Variants in CAMK2B observed in about 807,000 individuals in gnomAD.
CAMK2B encodes calcium/calmodulin-dependent protein kinase type II subunit beta.
A neutral mutation model predicts 93.7 loss-of-function variants in CAMK2B; 27 were observed. That is an observed-to-expected ratio of 0.29 (90% CI 0.21 to 0.40). The LOEUF (loss-of-function observed/expected upper bound fraction) is 0.40. Ranked by LOEUF, CAMK2B falls within the 10% of genes least tolerant of loss-of-function variation. CAMK2B has a pLI of 1.00. For missense variants in CAMK2B, 568 were observed against 895.8 expected (o/e 0.63, Z 4.67); for synonymous variants, 374 against 358.8 (o/e 1.04, Z -0.48).
At chr7:44,294,237 C>G (rs1361961116) in intron 1 of CAMK2B, among the ~76,000 whole-genome samples, 1 of 152,202 alleles carries the variant, frequency 6.6e-6, no homozygotes, top group African/African-American at 2.4e-5. Context: ...ATGCCCCTGT[C>G]TGTGTATCAC....
intron 12 of CAMK2B, among the ~76,000 whole-genome samples, chr7:44,239,955 G>A (rs1390637712): frequency 6.6e-6 from 1 of 152,214 alleles, no homozygotes; most frequent in Non-Finnish European, 1.5e-5. Flanking sequence ...TAGTGTTGGT[G>A]TGACCGTGTG....
chr7:44,285,906 C>T (rs1784960112), intron 1 of CAMK2B, among the ~76,000 whole-genome samples: 1 of 150,784 alleles, frequency 6.6e-6, no homozygotes, highest in Non-Finnish European at 1.5e-5. Context: ...GTGAGGTGTT[C>T]ACTGTTCACT....
chr7:44,247,248 G>C, intron 5 of CAMK2B, 56 bp from the exon 6 acceptor site: 1 of 1,436,680 alleles, frequency 7.0e-7, no homozygotes, highest in Middle Eastern at 1.7e-4. Flanking sequence ...AGCAAGAGGA[G>C]GCACTGGGGG....
intron 6 of CAMK2B, among the ~76,000 whole-genome samples, chr7:44,243,860 C>T (rs142131800): frequency 1.8e-4 from 28 of 152,278 alleles, no homozygotes; most frequent in Non-Finnish European, 3.2e-4. Flanking sequence ...ACCTCAAGCT[C>T]ATCCTTACAA....
chr7:44,274,221 C>CA (rs1357933411), intron 2 of CAMK2B, among the ~76,000 whole-genome samples: 1 of 152,186 alleles, frequency 6.6e-6, no homozygotes, highest in Non-Finnish European at 1.5e-5. Flanking sequence ...AGGTGACATG[C>CA]AGACAATGGA....
rs917759361 is a variant in CAMK2B at position 44,312,297 on chromosome 7, G to T, written c.65+13060C>A. ...TTCAGCCAGGTGTCAGTGGCGAGAGGGTGGTGGTGGGAGGGTGGGGCAGAG... is the reference window on the plus strand; with the variant it reads ...TTCAGCCAGGTGTCAGTGGCGAGAGTGTGGTGGTGGGAGGGTGGGGCAGAG... On this transcript the variant is annotated intron_variant, in intron 1 of 23. Coordinates refer to ENST00000395749, the MANE Select transcript of CAMK2B (RefSeq NM_001220.5). The surrounding 1 kb of genome is among the most constrained non-coding windows in gnomAD (Gnocchi z 4.1). 6.6e-6 allele frequency among the ~76,000 whole-genome samples: 1 copy of T among 152,224 alleles called. No individual in the cohort carries two copies. Among genetic ancestry groups the T allele is most frequent in the Admixed American group, 6.5e-5 (1 of 15,282 alleles).
rs1005493718 is a variant in CAMK2B at position 44,271,659 on chromosome 7, G to T, written c.161-8595C>A. Among the ~76,000 whole-genome samples, 1 of 152,226 alleles carries T rather than the reference G, an allele frequency of 6.6e-6. No homozygotes were observed. The highest frequency in any genetic ancestry group is 1.5e-5 in the Non-Finnish European group (1 of 68,024). On this transcript the variant is annotated intron_variant, in intron 2 of 23. Coordinates refer to ENST00000395749, the MANE Select transcript of CAMK2B (RefSeq NM_001220.5). This position sits in a 1 kb window ranked among gnomAD's most constrained non-coding sequence, Gnocchi z 4.2. ...AGACCAGATTGGGCAGCTGGGTGGG[G>T]ACGAAGGAGTGGCTTCCAGCAGCCC... is the stretch of plus-strand genomic sequence containing the variant.
At chr7:44,254,470 G>T in intron 5 of CAMK2B, 72 bp downstream of exon 5, 1 of 1,097,274 alleles carries the variant, frequency 9.1e-7, no homozygotes, top group Non-Finnish European at 1.4e-6. Context: ...AAGAGCAGCA[G>T]GAGTGGGTGA....
At chr7:44,305,518 C>G (rs1237751876) in intron 1 of CAMK2B, among the ~76,000 whole-genome samples, 1 of 152,208 alleles carries the variant, frequency 6.6e-6, no homozygotes, top group African/African-American at 2.4e-5. Context: ...AATCCCCAAG[C>G]CCCCCAATCA....
rs534258771 is a variant in CAMK2B at position 44,234,833 on chromosome 7, TG to T, written c.1022-158del. Among the ~76,000 whole-genome samples, 8 of 152,074 alleles carry T rather than the reference TG, an allele frequency of 5.3e-5. No individual in the cohort carries two copies. The South Asian group carries it at 1.7e-3, about 32-fold the overall frequency. ...AGCACCCAGGCTGGCTCTGAGCAGG[TG>T]GGGGGGCCATCCCATCACCCCAGGA... On this transcript the variant is annotated intron_variant, in intron 13 of 23. Transcript: ENST00000395749.
At chr7:44,247,349 G>C in intron 5 of CAMK2B, 157 bp from the exon 6 acceptor site, 3 of 668,278 alleles carry the variant, frequency 4.5e-6, no homozygotes, top group Non-Finnish European at 8.1e-6. Context: ...GGCCTCTGGG[G>C]CTTCTTCCTC....
rs1353217313 is a variant in CAMK2B, at chr7:44,225,525, G to A, written c.1597+991C>T. ...CAACCCCTGCTGGGGGTCCTCAGCC[G>A]ACCACAGAAGCTCTGGGGGTGAGTA... On this transcript the variant is annotated intron_variant, in intron 20 of 23. Coordinates refer to ENST00000395749, the MANE Select transcript of CAMK2B (RefSeq NM_001220.5). This position sits in a 1 kb window ranked among gnomAD's most constrained non-coding sequence, Gnocchi z 5.0. Among the ~76,000 whole-genome samples, 2 of 152,072 alleles carry A rather than the reference G, an allele frequency of 1.3e-5. No homozygotes were observed. The highest frequency in any genetic ancestry group is 2.4e-5 in the African/African-American group (1 of 41,408).
intron 12 of CAMK2B, 54 bp downstream of exon 12, chr7:44,240,653 C>A (rs918806706): frequency 1.9e-6 from 3 of 1,596,732 alleles, no homozygotes; most frequent in Admixed American, 1.7e-5. Context: ...CGCTCTCCTG[C>A]GTGGGCCAGC....
intron 1 of CAMK2B, among the ~76,000 whole-genome samples, chr7:44,316,477 CTG>C (rs1279071127): frequency 6.6e-6 from 1 of 152,080 alleles, no homozygotes; most frequent in Admixed American, 6.6e-5. Flanking sequence ...TGATAACAGT[CTG>C]TAGTTTTGTG....
At chr7:44,290,257 G>A (rs1465869053) in intron 1 of CAMK2B, among the ~76,000 whole-genome samples, 4 of 152,246 alleles carry the variant, frequency 2.6e-5, no homozygotes, top group Admixed American at 6.5e-5. Context: ...AAGCCTGGCT[G>A]ACCTGTTTTG....
At chr7:44,258,341 C>T (rs2096851814) in intron 4 of CAMK2B, among the ~76,000 whole-genome samples, 1 of 152,244 alleles carries the variant, frequency 6.6e-6, no homozygotes, top group Non-Finnish European at 1.5e-5. Context: ...TCACACAATA[C>T]ACATGCACAT....
intron 12 of CAMK2B, among the ~76,000 whole-genome samples, chr7:44,240,468 G>A (rs931056877): frequency 1.3e-5 from 2 of 152,268 alleles, no homozygotes; most frequent in African/African-American, 2.4e-5. Flanking sequence ...TGTTCAGGGG[G>A]TGGAGGGACA....
Position 44,247,135 on chromosome 7 carries a change from G to A in CAMK2B, c.399C>T (p.Val133=), listed in dbSNP as rs935237055. 17 of 1,613,884 alleles carry A rather than the reference G, an allele frequency of 1.1e-5. No homozygotes were observed. Among genetic ancestry groups the A allele is most frequent in the Non-Finnish European group, 1.4e-5 (16 of 1,179,896 alleles). Residue 133 remains valine, a synonymous_variant, in exon 6 of 24, where the codon GTC becomes GTT. Coordinates refer to ENST00000395749, the MANE Select transcript of CAMK2B (RefSeq NM_001220.5). The part of the protein sequence containing the change: ...AVLHCHQMGV[V]HRDLKPENLL... ...GGGGACTCACCTTGAGGTCTCTGTGGACGACCCCCATTTGGTGACAATGGA... is the reference window on the plus strand; with the variant it reads ...GGGGACTCACCTTGAGGTCTCTGTGAACGACCCCCATTTGGTGACAATGGA...
chr7:44,234,606 C>G (rs752591490), intron 14 of CAMK2B, 33 bp downstream of exon 14: 3 of 1,612,634 alleles, frequency 1.9e-6, no homozygotes, highest in Non-Finnish European at 2.5e-6. Flanking sequence ...GCTCTGGGCT[C>G]CCCGGCACCA....
Sources: allele counts gnomAD v4.1 joint callset (sites outside exome capture counted in the v4.1 genomes callset), GRCh38; gene constraint gnomAD v4.1.1; non-coding constraint Gnocchi (gnomAD v3.1); transcripts MANE v1.5; gene names NCBI Gene and HGNC (gene_info 2026-07-23, HGNC 2026-07-21).